The following KCND3 variants were observed in gnomAD, a reference collection of about 807,000 sequenced individuals.
The protein encoded by KCND3 is A-type voltage-gated potassium channel KCND3.
A neutral mutation model predicts 51.1 loss-of-function variants in KCND3; 9 were observed. That is an observed-to-expected ratio of 0.18 (90% confidence interval 0.11 to 0.31). The LOEUF (loss-of-function observed/expected upper bound fraction) is 0.31. Among genes scored for constraint, KCND3 ranks in the 10% least tolerant of loss-of-function variants. The probability of loss-of-function intolerance (pLI) is 1.00; values close to 1 mark genes in which losing one functional copy is unlikely to be tolerated. For missense variants in KCND3, 526 were observed against 903.8 expected, an observed-to-expected ratio of 0.58 and a Z score of 5.36; for synonymous variants, 349 against 368.0, an observed-to-expected ratio of 0.95 and a Z score of 0.59.
At chr1:111,876,083 C>T (rs1669036406) in intron 2 of KCND3, among the ~76,000 whole-genome samples, 1 of 152,158 alleles carries the variant, frequency 6.6e-6, no homozygotes, top group African/African-American at 2.4e-5. Flanking sequence ...GGGAAACTAG[C>T]CCCCAAATGT....
intron 2 of KCND3, among the ~76,000 whole-genome samples, chr1:111,824,939 T>C (rs896754697): frequency 6.6e-5 from 10 of 152,168 alleles, no homozygotes; most frequent in African/African-American, 1.7e-4. Context: ...AAAGCCTTCT[T>C]CCCTGGCAGC....
chr1:111,915,218 G>A (rs1232834020), intron 2 of KCND3, among the ~76,000 whole-genome samples: 1 of 152,098 alleles, frequency 6.6e-6, no homozygotes, highest in Non-Finnish European at 1.5e-5. Flanking sequence ...AATTACATAT[G>A]AGACAATCTG....
chr1:111,964,751 G>T (rs1029691611), intron 2 of KCND3, among the ~76,000 whole-genome samples: 54 of 152,302 alleles, frequency 3.5e-4, no homozygotes. Context: ...AAAGGAGGGG[G>T]TATTGTCCTA....
chr1:111,867,341 C>T (rs1003079796), intron 2 of KCND3, among the ~76,000 whole-genome samples: 7 of 152,114 alleles, frequency 4.6e-5, no homozygotes, highest in African/African-American at 1.7e-4. Flanking sequence ...TAAACATAGC[C>T]CCTTTAGAAG....
intron 2 of KCND3, among the ~76,000 whole-genome samples, chr1:111,962,590 T>A (rs1478243971): frequency 2.0e-5 from 3 of 152,196 alleles, no homozygotes; most frequent in African/African-American, 7.2e-5. Flanking sequence ...CTTCACTACC[T>A]CCGTAGAAAC....
chr1:111,927,657 C>CT (rs1022984560), intron 2 of KCND3, among the ~76,000 whole-genome samples: 4 of 152,200 alleles, frequency 2.6e-5, no homozygotes, highest in Non-Finnish European at 5.9e-5. Flanking sequence ...TTCCTCCTTC[C>CT]TTTTCCATTC....
chr1:111,951,084 C>T (rs943425519), intron 2 of KCND3, among the ~76,000 whole-genome samples: 9 of 146,560 alleles, frequency 6.1e-5, no homozygotes, highest in East Asian at 6.1e-4. Flanking sequence ...GCAGGAGAAC[C>T]GCTTGAATCT....
intron 2 of KCND3, chr1:111,856,871 GA>G (rs1266342125): frequency 1.3e-5 from 2 of 152,300 alleles, no homozygotes; most frequent in African/African-American, 4.8e-5. Flanking sequence ...AGGGCAGGAA[GA>G]GGGGGAGGGC....
intron 2 of KCND3, among the ~76,000 whole-genome samples, chr1:111,788,446 G>A (rs1041364961): frequency 1.3e-5 from 2 of 152,230 alleles, no homozygotes; most frequent in African/African-American, 4.8e-5. Flanking sequence ...TCAGAAGTAT[G>A]AACACCCAAG....
intron 2 of KCND3, among the ~76,000 whole-genome samples, chr1:111,942,467 C>T (rs1672572223): frequency 6.6e-6 from 1 of 152,218 alleles, no homozygotes; most frequent in South Asian, 2.1e-4. Context: ...GCCAGGCAGG[C>T]ACCTCAAGGT....
intron 2 of KCND3, among the ~76,000 whole-genome samples, chr1:111,888,925 T>C (rs996127702): frequency 6.6e-6 from 1 of 151,992 alleles, no homozygotes; most frequent in African/African-American, 2.4e-5. Flanking sequence ...TGAAGTCCCT[T>C]TGGAGCTTAT....
At chr1:111,812,820 A>C (rs72981940) in intron 2 of KCND3, among the ~76,000 whole-genome samples, 12,453 of 152,246 alleles carry the variant, frequency 0.082, 896 homozygotes, top group African/African-American at 0.18. Context: ...AGAAGAAGCC[A>C]GAGGCCAGTC....
chr1:111,827,041 A>T (rs939438794), intron 2 of KCND3, among the ~76,000 whole-genome samples: 1 of 152,250 alleles, frequency 6.6e-6, no homozygotes, highest in African/African-American at 2.4e-5. Flanking sequence ...GCATCATGTC[A>T]GCAATCAAAA....
At chr1:111,778,755 C>T (rs1664246281) in intron 5 of KCND3, among the ~76,000 whole-genome samples, 1 of 152,076 alleles carries the variant, frequency 6.6e-6, no homozygotes, top group Admixed American at 6.5e-5. Flanking sequence ...CCCTTAAGTC[C>T]AACATTCCTC....
At chr1:111,842,884 T>C (rs628078) in intron 2 of KCND3, among the ~76,000 whole-genome samples, 50,323 of 152,128 alleles carry the variant, frequency 0.33, 8,582 homozygotes, top group East Asian at 0.52. Context: ...ATCACGGCAG[T>C]CTTTGTGATC....
At chr1:111,809,345 G>C (rs1304875264) in intron 2 of KCND3, among the ~76,000 whole-genome samples, 2 of 148,776 alleles carry the variant, frequency 1.3e-5, no homozygotes, top group African/African-American at 2.5e-5. Context: ...GTCTCGCTCT[G>C]TCCCCCAGGC....
chr1:111,853,236 G>A (rs1667904730), intron 2 of KCND3, among the ~76,000 whole-genome samples: 2 of 152,210 alleles, frequency 1.3e-5, no homozygotes, highest in Admixed American at 1.3e-4. Flanking sequence ...CTTGAGGCAA[G>A]TCATTTCATC....
At chr1:111,819,216 C>T (rs1371008981) in intron 2 of KCND3, among the ~76,000 whole-genome samples, 2 of 152,122 alleles carry the variant, frequency 1.3e-5, no homozygotes, top group African/African-American at 4.8e-5. Context: ...GAAGAGGCCT[C>T]TCCCCAGCCT....
rs1296740599 is a variant in KCND3 at position 111,986,507 on chromosome 1, G to T, written c.-73+2998C>A. 4.6e-5 allele frequency among the ~76,000 whole-genome samples: 7 copies of T among 152,304 alleles called. No individual in the cohort carries two copies. In the East Asian group the frequency reaches 1.4e-3, roughly 29 times the overall value. ...GTCTTCCCCAGGCAGCAATGAGCAA[G>T]GGCTCATGAGGCCTTGCAATTCCAG... On this transcript the variant is annotated intron_variant, in intron 1 of 7. Coordinates refer to ENST00000302127, the MANE Select transcript of KCND3 (RefSeq NM_001378969.1).
Sources: allele counts gnomAD v4.1 joint callset (sites outside exome capture counted in the v4.1 genomes callset), GRCh38; gene constraint gnomAD v4.1.1; transcripts MANE v1.5; gene names NCBI Gene and HGNC (gene_info 2026-07-23, HGNC 2026-07-21).